DMD: variants seen among roughly 807,000 people sequenced by gnomAD.
DMD encodes the protein mutant dystrophin.
Under a neutral mutation model 330.1 loss-of-function variants are expected in DMD, and 63 were observed. The ratio of observed to expected loss-of-function variants is 0.19; its 90% CI spans 0.16 to 0.24. The LOEUF (loss-of-function observed/expected upper bound fraction) is 0.24. Among genes scored for constraint, DMD ranks in the 10% least tolerant of loss-of-function variants. DMD has a pLI of 1.00. For missense variants in DMD, 3,344 were observed against 2,684.1 expected, an observed-to-expected ratio of 1.25 and a Z score of -5.43; for synonymous variants, 1,223 against 959.8, an observed-to-expected ratio of 1.27 and a Z score of -5.07.
chrX:32,553,164 C>A (rs767477797), intron 16 of DMD, among the ~76,000 whole-genome samples: 3 of 111,879 alleles, frequency 2.7e-5, no homozygotes, highest in South Asian at 3.7e-4. Context: ...ATGGAATCAG[C>A]CTAAATGCCC....
intron 1 of DMD, among the ~76,000 whole-genome samples, chrX:33,306,113 A>C (rs2053759018): frequency 8.9e-6 from 1 of 111,786 alleles, no homozygotes; most frequent in African/African-American, 3.2e-5. Context: ...GCATGACATG[A>C]AATTGCAATG....
At chrX:33,047,755 C>A (rs2094403145) in intron 1 of DMD, among the ~76,000 whole-genome samples, 1 of 111,778 alleles carries the variant, frequency 8.9e-6, no homozygotes, top group Non-Finnish European at 1.9e-5. Flanking sequence ...CAATGCAAAA[C>A]TGCTTTCCTC....
At chrX:33,068,984 A>G (rs1352006863) in intron 1 of DMD, among the ~76,000 whole-genome samples, 1 of 112,236 alleles carries the variant, frequency 8.9e-6, no homozygotes, top group Non-Finnish European at 1.9e-5. Context: ...GCACCATACA[A>G]TACAAAGTTC....
intron 47 of DMD, among the ~76,000 whole-genome samples, chrX:31,909,331 G>A (rs1411950608): frequency 9.0e-6 from 1 of 110,750 alleles, no homozygotes. Flanking sequence ...ACCTAATTCA[G>A]GCCAGTCAGT....
Position 31,905,751 on chromosome X carries a change from CAT to C in DMD, c.6912+23843_6912+23844del, listed in dbSNP as rs777619266. Among the ~76,000 whole-genome samples, 646 of 111,443 alleles carry C rather than the reference CAT, an allele frequency of 5.8e-3. 6 individuals are homozygous for C. The highest frequency in any genetic ancestry group is 0.02 in the African/African-American group (611 of 30,681). ...TGAAAATAGAGATGTAGTGTACTAACATGTAATATAGAGTTGATGAAGACATG... is the reference window on the plus strand; with the variant it reads ...TGAAAATAGAGATGTAGTGTACTAACGTAATATAGAGTTGATGAAGACATG... On this transcript the variant is annotated intron_variant, in intron 47 of 78. Coordinates refer to ENST00000357033, the MANE Select transcript of DMD (RefSeq NM_004006.3).
Position 31,978,762 on chromosome X carries a change from T to C in DMD, c.6439-10248A>G, listed in dbSNP as rs371209735. 6.0e-4 allele frequency among the ~76,000 whole-genome samples: 67 copies of C among 111,664 alleles called. No homozygotes were observed. In the South Asian group the frequency reaches 0.02, roughly 34 times the overall value. On this transcript the variant is annotated intron_variant, in intron 44 of 78. Coordinates refer to ENST00000357033, the MANE Select transcript of DMD (RefSeq NM_004006.3). ...TCATGTGTGTCTTTACCTCTACTTA[T>C]GTAATCCTTTCATTCCAGTTGACTA... is the stretch of plus-strand genomic sequence containing the variant.
At chrX:32,308,463 G>C (rs1375505275) in intron 42 of DMD, among the ~76,000 whole-genome samples, 4 of 110,706 alleles carry the variant, frequency 3.6e-5, no homozygotes, top group Non-Finnish European at 7.6e-5. Flanking sequence ...TGAAAAGACT[G>C]AGCTCAAAAC....
intron 43 of DMD, among the ~76,000 whole-genome samples, chrX:32,247,802 A>C (rs758569313): frequency 2.7e-5 from 3 of 111,393 alleles, no homozygotes; most frequent in Non-Finnish European, 5.6e-5. Context: ...ATATAAATAC[A>C]GAAATCAGGG....
chrX:32,416,615 A>G (rs2098166968), intron 29 of DMD, among the ~76,000 whole-genome samples: 2 of 112,010 alleles, frequency 1.8e-5, no homozygotes, highest in Non-Finnish European at 3.8e-5. Flanking sequence ...TGCTTAGGGT[A>G]GTGCATTAAT....
intron 47 of DMD, among the ~76,000 whole-genome samples, chrX:31,900,826 T>C (rs1335026597): frequency 9.0e-6 from 1 of 111,230 alleles, no homozygotes; most frequent in Non-Finnish European, 1.9e-5. Context: ...GGAAAAAATA[T>C]ATATCTCAAA....
At chrX:31,222,317 G>C (rs1272741604) in intron 64 of DMD, among the ~76,000 whole-genome samples, 3 of 104,863 alleles carry the variant, frequency 2.9e-5, no homozygotes, top group African/African-American at 1.1e-4. Context: ...GAACCTGGGA[G>C]GTGGAGGTTG....
chrX:32,411,275 C>T (rs1377306809), intron 30 of DMD, among the ~76,000 whole-genome samples: 1 of 110,727 alleles, frequency 9.0e-6, no homozygotes, highest in South Asian at 3.9e-4. Context: ...GGATTACAGG[C>T]GCGTGCCAAC....
intron 1 of DMD, among the ~76,000 whole-genome samples, chrX:33,157,842 A>T (rs1194749602): frequency 8.9e-6 from 1 of 111,957 alleles, no homozygotes; most frequent in Non-Finnish European, 1.9e-5. Flanking sequence ...CTGTAATCCC[A>T]GCTACCCTGG....
chrX:32,266,711 T>A (rs1419358016), intron 43 of DMD, among the ~76,000 whole-genome samples: 1 of 112,145 alleles, frequency 8.9e-6, no homozygotes, highest in Non-Finnish European at 1.9e-5. Flanking sequence ...ATGGCAGCCT[T>A]CATATAAGAT....
intron 1 of DMD, among the ~76,000 whole-genome samples, chrX:33,177,913 A>C (rs1459745784): frequency 8.9e-6 from 1 of 111,867 alleles, no homozygotes; most frequent in African/African-American, 3.3e-5. Flanking sequence ...TAGATAAAGC[A>C]CTCATAGAGA....
rs758021936 is a variant in DMD, at chrX:32,699,386, T to C, written c.650-93A>G. On this transcript the variant is annotated intron_variant, in intron 7 of 78. Transcript: ENST00000357033. ...ACAAATCAAAGTTAAAGGAAGACGA[T>C]AGATTAATGAACAGTGAATTGTCCA... is the stretch of plus-strand genomic sequence containing the variant. 2.4e-4 allele frequency: 172 copies of C among 709,037 alleles called. 2 individuals carry two copies. The South Asian group carries it at 3.6e-3, about 15-fold the overall frequency. 58.4% of individuals were successfully genotyped at this position (709,037 alleles called of 1,213,427 possible). A position where few individuals can be genotyped will look rare whatever the true frequency, so the allele number is the denominator to read the frequency against.
intron 39 of DMD, among the ~76,000 whole-genome samples, chrX:32,345,271 A>G (rs752036319): frequency 1.8e-5 from 2 of 111,580 alleles, no homozygotes; most frequent in African/African-American, 6.5e-5. Flanking sequence ...AGAACTTCCT[A>G]GATATTATTA....
At chrX:32,053,415 A>C (rs943596242) in intron 44 of DMD, among the ~76,000 whole-genome samples, 1 of 111,165 alleles carries the variant, frequency 9.0e-6, no homozygotes, top group African/African-American at 3.3e-5. Context: ...ACACAGAATG[A>C]ATTTCCCCCT....
chrX:31,511,156 G>C (rs938732544), intron 55 of DMD, among the ~76,000 whole-genome samples: 1 of 109,823 alleles, frequency 9.1e-6, no homozygotes, highest in Non-Finnish European at 1.9e-5. Flanking sequence ...GCATGCTGTA[G>C]TGGAGATTTT....
Sources: allele counts gnomAD v4.1 joint callset (sites outside exome capture counted in the v4.1 genomes callset), GRCh38; gene constraint gnomAD v4.1.1; transcripts MANE v1.5; gene names NCBI Gene and HGNC (gene_info 2026-07-23, HGNC 2026-07-21).